Variants in GPR158 observed in about 807,000 individuals in gnomAD.
GPR158 encodes G protein-coupled receptor 158, also known as metabotropic glycine receptor.
In GPR158, 30 loss-of-function variants were observed where a neutral mutation model predicts 78.2. The observed-to-expected ratio is 0.38, with a 90% CI of 0.29 to 0.52. GPR158 has a LOEUF of 0.52. GPR158 is among the 20% of genes least tolerant of loss of function. GPR158 has a pLI of 0.83. For missense variants in GPR158, 1,463 were observed against 1,523.5 expected, an observed-to-expected ratio of 0.96 and a Z score of 0.66; for synonymous variants, 581 against 591.1, an observed-to-expected ratio of 0.98 and a Z score of 0.25.
chr10:25,176,041 C>T lies in GPR158; in HGVS notation c.621C>T (p.Ser207=), dbSNP rs770677082. 3 of 1,609,750 alleles carry T rather than the reference C, an allele frequency of 1.9e-6. No homozygotes were observed. Among genetic ancestry groups the T allele is most frequent in the Middle Eastern group, 1.7e-4 (1 of 6,056 alleles). Residue 207 remains serine (S), a synonymous_variant, in exon 1 of 11, where the codon TCC becomes TCT. Transcript: ENST00000376351. The surrounding 1 kb of genome is among the most constrained non-coding windows in gnomAD (Gnocchi z 6.3). The part of the protein sequence containing the change: ...EESRILLQDL[S]SSAPHLANAT... ...GCCGCATCCTGCTCCAAGACCTGTCCTCCTCCGCACCCCACCTGGCCAACG... is the reference window on the plus strand; with the variant it reads ...GCCGCATCCTGCTCCAAGACCTGTCTTCCTCCGCACCCCACCTGGCCAACG...
At chr10:25,542,634 C>A (rs1320163608) in intron 5 of GPR158, among the ~76,000 whole-genome samples, 8 of 151,934 alleles carry the variant, frequency 5.3e-5, no homozygotes, top group Non-Finnish European at 1.2e-4. Flanking sequence ...ACCAGCCTGG[C>A]CAACATGGTG....
intron 4 of GPR158, among the ~76,000 whole-genome samples, chr10:25,428,903 A>G (rs955508432): frequency 2.0e-5 from 3 of 152,096 alleles, no homozygotes; most frequent in East Asian, 1.9e-4. Context: ...AGTTTAGAGC[A>G]GTATAATCAT....
chr10:25,340,684 T>C (rs1855290154), intron 2 of GPR158, among the ~76,000 whole-genome samples: 1 of 151,902 alleles, frequency 6.6e-6, no homozygotes, highest in Admixed American at 6.6e-5. Context: ...CTAGGAAGTT[T>C]AGAGAAATAA....
intron 5 of GPR158, among the ~76,000 whole-genome samples, chr10:25,471,065 T>C (rs12766947): frequency 0.24 from 36,539 of 151,454 alleles, 6,114 homozygotes; most frequent in African/African-American, 0.47. Flanking sequence ...CCCATTAACT[T>C]GTCATTTATA....
At chr10:25,488,582 T>C (rs1488084790) in intron 5 of GPR158, among the ~76,000 whole-genome samples, 1 of 152,202 alleles carries the variant, frequency 6.6e-6, no homozygotes, top group African/African-American at 2.4e-5. Flanking sequence ...GCTGAGGTAC[T>C]GATTATGTAA....
At chr10:25,350,636 C>G (rs1855446346) in intron 2 of GPR158, among the ~76,000 whole-genome samples, 1 of 151,942 alleles carries the variant, frequency 6.6e-6, no homozygotes, top group Non-Finnish European at 1.5e-5. Flanking sequence ...AATCATTCTC[C>G]AGGGAGGGGT....
At chr10:25,189,379 C>A (rs1852737320) in intron 1 of GPR158, among the ~76,000 whole-genome samples, 1 of 152,138 alleles carries the variant, frequency 6.6e-6, no homozygotes, top group Admixed American at 6.5e-5. Flanking sequence ...GACTTGGAAC[C>A]AACCCAAAAA....
Position 25,598,761 on chromosome 10 carries a change from G to A in GPR158, c.3135G>A (p.Lys1045=). The A allele has an allele frequency of 3.7e-6, 6 of 1,614,058 alleles. No individual in the cohort carries two copies. Among genetic ancestry groups the A allele is most frequent in the Non-Finnish European group, 5.1e-6 (6 of 1,180,002 alleles). The change falls in exon 11 of 11, where the codon AAG becomes AAA. Residue 1045 remains lysine (K), a synonymous_variant. Coordinates refer to ENST00000376351, the MANE Select transcript of GPR158 (RefSeq NM_020752.3). ...EMEKNPTFSL[K]EKSHHKPKAA... ...AGAAAAACCCCACTTTTTCCTTAAA[G>A]GAGAAATCTCACCACAAGCCTAAGG...
chr10:25,217,781 G>A (rs1853238459), intron 1 of GPR158, among the ~76,000 whole-genome samples: 1 of 152,174 alleles, frequency 6.6e-6, no homozygotes, highest in East Asian at 1.9e-4. Context: ...TCTATTAATG[G>A]ACAAATAGAG....
At chr10:25,324,525 A>G (rs2130483063) in intron 2 of GPR158, among the ~76,000 whole-genome samples, 1 of 152,338 alleles carries the variant, frequency 6.6e-6, no homozygotes, top group Middle Eastern at 3.4e-3. Context: ...AACTTCAAAG[A>G]TCACAGATCA....
intron 2 of GPR158, among the ~76,000 whole-genome samples, chr10:25,377,949 TA>T (rs1834104922): frequency 6.6e-6 from 1 of 152,132 alleles, no homozygotes; most frequent in Admixed American, 6.6e-5. Flanking sequence ...CAGTGACTAC[TA>T]AACTGTTCCA....
chr10:25,291,845 AGTTAAT>A (rs1176666214), intron 2 of GPR158, among the ~76,000 whole-genome samples: 6 of 147,796 alleles, frequency 4.1e-5, no homozygotes, highest in African/African-American at 1.3e-4. Context: ...AAGATGATAT[AGTTAAT>A]ATTAATAGCT....
intron 3 of GPR158, among the ~76,000 whole-genome samples, chr10:25,398,991 G>C (rs1287246565): frequency 1.3e-5 from 2 of 152,164 alleles, no homozygotes; most frequent in Admixed American, 1.3e-4. Flanking sequence ...GAGTGTATTA[G>C]CCCATTTTCA....
intron 2 of GPR158, among the ~76,000 whole-genome samples, chr10:25,274,269 T>C (rs1854154791): frequency 6.6e-6 from 1 of 152,202 alleles, no homozygotes; most frequent in Admixed American, 6.5e-5. Flanking sequence ...ACACAATTTA[T>C]TAAAATAGTC....
intron 2 of GPR158, among the ~76,000 whole-genome samples, chr10:25,326,998 C>G (rs1417320688): frequency 6.6e-6 from 1 of 152,092 alleles, no homozygotes. Context: ...CCGTGTAAGC[C>G]AAAAATACAC....
chr10:25,481,345 G>A (rs1410641951), intron 5 of GPR158, among the ~76,000 whole-genome samples: 3 of 152,112 alleles, frequency 2.0e-5, no homozygotes, highest in Non-Finnish European at 2.9e-5. Flanking sequence ...AGATTATGGG[G>A]GTCAGTGAGA....
At chr10:25,188,033 A>G (rs889786970) in intron 1 of GPR158, among the ~76,000 whole-genome samples, 18 of 152,242 alleles carry the variant, frequency 1.2e-4, no homozygotes, top group African/African-American at 3.9e-4. Context: ...CCCATTCACA[A>G]TTGCTTCAAA....
At chr10:25,396,037 A>G (rs760428535) in intron 3 of GPR158, 24 bp downstream of exon 3, 3 of 958,078 alleles carry the variant, frequency 3.1e-6, no homozygotes, top group East Asian at 5.0e-5. Flanking sequence ...GTTTCTATGT[A>G]TATATATGTA....
intron 5 of GPR158, among the ~76,000 whole-genome samples, chr10:25,501,106 C>T (rs1835941656): frequency 6.6e-6 from 1 of 152,066 alleles, no homozygotes; most frequent in African/African-American, 2.4e-5. Context: ...TCAGGGACTC[C>T]GACCTGTTGA....
Sources: gnomAD v4.1 joint callset for allele counts (sites outside exome capture counted in the v4.1 genomes callset) on GRCh38, gnomAD v4.1.1 for gene constraint, Gnocchi (gnomAD v3.1) non-coding constraint, MANE v1.5 for transcripts, NCBI Gene and HGNC (gene_info 2026-07-23, HGNC 2026-07-21) for gene names.